BICRAL: variants seen among roughly 807,000 people sequenced by gnomAD.
BICRAL encodes BRD4-interacting chromatin-remodeling complex-associated protein-like.
BICRAL carries 8 observed loss-of-function variants against 91.8 expected under a neutral mutation model. The ratio of observed to expected loss-of-function variants is 0.09; its 90% CI spans 0.05 to 0.16. BICRAL has a LOEUF of 0.16. Among genes scored for constraint, BICRAL ranks in the 10% least tolerant of loss-of-function variants. The pLI, the probability that BICRAL is intolerant of heterozygous loss-of-function variation, is 1.00. For synonymous variants in BICRAL, 445 were observed against 491.1 expected, an observed-to-expected ratio of 0.91 and a Z score of 1.24; for missense variants, 1,038 against 1,310.9, an observed-to-expected ratio of 0.79 and a Z score of 3.21.
At chr6:42,775,567 C>G (rs1474566624) in intron 1 of BICRAL, among the ~76,000 whole-genome samples, 1 of 152,176 alleles carries the variant, frequency 6.6e-6, no homozygotes, top group Non-Finnish European at 1.5e-5. Flanking sequence ...GTGGTGCCCC[C>G]CTAACCTGAT....
intron 1 of BICRAL, among the ~76,000 whole-genome samples, chr6:42,761,086 G>T (rs185395919): frequency 6.6e-6 from 1 of 152,168 alleles, no homozygotes; most frequent in Non-Finnish European, 1.5e-5. Context: ...AAACTTTTCT[G>T]CACCTGTTCT....
intron 1 of BICRAL, among the ~76,000 whole-genome samples, chr6:42,772,339 C>T (rs73428431): frequency 0.014 from 2,142 of 152,080 alleles, 43 homozygotes; most frequent in African/African-American, 0.049. Context: ...AGTTAGGCGA[C>T]GGGAGAAGGC....
intron 2 of BICRAL, among the ~76,000 whole-genome samples, chr6:42,814,904 A>G (rs1018437059): frequency 1.3e-5 from 2 of 151,464 alleles, no homozygotes; most frequent in African/African-American, 4.9e-5. Flanking sequence ...ATCCTGTTCT[A>G]TTACTTTTTT....
At chr6:42,785,259 G>GT (rs778273622) in intron 1 of BICRAL, among the ~76,000 whole-genome samples, 1 of 152,066 alleles carries the variant, frequency 6.6e-6, no homozygotes, top group Admixed American at 6.6e-5. Context: ...AGACAGCTGT[G>GT]TAACAAACGT....
At chr6:42,841,680 A>G (rs1764803624) in intron 6 of BICRAL, among the ~76,000 whole-genome samples, 1 of 152,174 alleles carries the variant, frequency 6.6e-6, no homozygotes, top group Non-Finnish European at 1.5e-5. Context: ...CCAATAAATG[A>G]TTTGAAAATG....
chr6:42,815,215 A>G (rs1582839844), intron 2 of BICRAL, among the ~76,000 whole-genome samples: 15 of 95,638 alleles, frequency 1.6e-4, no homozygotes, highest in South Asian at 3.6e-4. Flanking sequence ...TTTGAGATGG[A>G]GTCTCGCTCT....
chr6:42,805,201 T>C (rs546385052), intron 1 of BICRAL, among the ~76,000 whole-genome samples: 1 of 152,276 alleles, frequency 6.6e-6, no homozygotes, highest in South Asian at 2.1e-4. Context: ...GTATTTTCAG[T>C]AGACATGGGA....
intron 1 of BICRAL, among the ~76,000 whole-genome samples, chr6:42,793,200 T>C (rs1408757103): frequency 2.4e-5 from 3 of 123,946 alleles, no homozygotes; most frequent in Non-Finnish European, 4.9e-5. Context: ...CTGGAGTGCA[T>C]TGGCGTGATC....
At chr6:42,790,525 C>T (rs61351563) in intron 1 of BICRAL, among the ~76,000 whole-genome samples, 2,150 of 44,710 alleles carry the variant, frequency 0.048, 50 homozygotes, top group African/African-American at 0.23. Flanking sequence ...TATGTAGCAC[C>T]CCCCCCCCAC....
chr6:42,798,917 T>C (rs2113894396), intron 1 of BICRAL, among the ~76,000 whole-genome samples: 1 of 140,980 alleles, frequency 7.1e-6, no homozygotes, highest in East Asian at 2.0e-4. Flanking sequence ...TTAGACTATA[T>C]TGTTTTAAAA....
At position 42,828,542 on chromosome 6, in the gene BICRAL, A is replaced by G. The variant is rs1350680218; in HGVS notation, c.209A>G (p.Glu70Gly). 1 of 1,613,782 alleles carries G rather than the reference A, an allele frequency of 6.2e-7. No individual in the cohort carries two copies. The highest frequency in any genetic ancestry group is 8.5e-7 in the Non-Finnish European group (1 of 1,179,732). ...SLKGVSNQLG[E>G]GPSDGLPLSS... ...AAAGGTGTAAGCAACCAGCTTGGAG[A>G]AGGGCCCAGTGATGGACTGCCACTT... Residue 70 changes from glutamate (E) to glycine (G), a missense_variant, in exon 6 of 13, where the codon GAA becomes GGA. By Grantham distance (98) the Glu-to-Gly change is moderately conservative (BLOSUM62 -2). Transcript: ENST00000314073.
upstream of BICRAL, among the ~76,000 whole-genome samples, chr6:42,746,400 T>A (rs1481190077): frequency 1.3e-5 from 2 of 151,924 alleles, no homozygotes; most frequent in Non-Finnish European, 2.9e-5. Context: ...TGTGGGTTTG[T>A]TTATAAGAAC....
At chr6:42,798,500 C>T (rs1021093122) in intron 1 of BICRAL, among the ~76,000 whole-genome samples, 20 of 152,112 alleles carry the variant, frequency 1.3e-4, no homozygotes, top group African/African-American at 4.6e-4. Context: ...AGTTTGAGAC[C>T]AGCCTGGCCA....
chr6:42,836,074 T>C (rs892626343), intron 6 of BICRAL, among the ~76,000 whole-genome samples: 10 of 152,220 alleles, frequency 6.6e-5, no homozygotes, highest in Non-Finnish European at 1.5e-4. Context: ...GTTCTTTGTA[T>C]TCCCCCAGAG....
chr6:42,806,962 C>T (rs1219474847), intron 1 of BICRAL, among the ~76,000 whole-genome samples: 1 of 151,960 alleles, frequency 6.6e-6, no homozygotes. Context: ...TCCCAAGTAG[C>T]TGGGATTACA....
chr6:42,853,237 T>TAA (rs1277315271), intron 7 of BICRAL, among the ~76,000 whole-genome samples: 43 of 145,342 alleles, frequency 3.0e-4, no homozygotes, highest in African/African-American at 1.1e-3. Flanking sequence ...AATTAGTACT[T>TAA]AAAAAAAAAA....
At chr6:42,777,180 CAT>C (rs1275653825), upstream of BICRAL, among the ~76,000 whole-genome samples, 1 of 152,222 alleles carries the variant, frequency 6.6e-6, no homozygotes, top group African/African-American at 2.4e-5. Context: ...TAACCTGACA[CAT>C]AACTAAAATA....
intron 1 of BICRAL, among the ~76,000 whole-genome samples, chr6:42,761,054 A>G (rs1329831016): frequency 1.3e-5 from 2 of 152,194 alleles, no homozygotes; most frequent in African/African-American, 2.4e-5. Flanking sequence ...TCAAATAAAA[A>G]AAAAGGTACT....
intron 3 of BICRAL, 87 bp downstream of exon 3, chr6:42,822,150 T>C: frequency 2.8e-6 from 2 of 725,424 alleles, no homozygotes; most frequent in Non-Finnish European, 4.9e-6. Context: ...TAACACCTGA[T>C]AGGTATTTTA....
Sources: gnomAD v4.1 joint callset for allele counts (sites outside exome capture counted in the v4.1 genomes callset) on GRCh38, gnomAD v4.1.1 for gene constraint, MANE v1.5 for transcripts, NCBI Gene and HGNC (gene_info 2026-07-23, HGNC 2026-07-21) for gene names.